Variants in CHD7 observed in about 807,000 individuals in gnomAD.
CHD7 encodes ATP-dependent chromatin remodeler CHD7.
A neutral mutation model predicts 307.3 loss-of-function variants in CHD7; 24 were observed. The observed-to-expected ratio is 0.08, with a 90% confidence interval of 0.06 to 0.11. The LOEUF (loss-of-function observed/expected upper bound fraction) is 0.11. Ranked by LOEUF, CHD7 falls within the 10% of genes least tolerant of loss-of-function variation. CHD7 has a pLI of 1.00. For synonymous variants in CHD7, 1,363 were observed against 1,349.9 expected, an observed-to-expected ratio of 1.01 and a Z score of -0.21; for missense variants, 3,106 against 3,727.1, an observed-to-expected ratio of 0.83 and a Z score of 4.34.
intron 3 of CHD7, among the ~76,000 whole-genome samples, chr8:60,793,686 T>G (rs994632598): frequency 6.6e-6 from 1 of 152,148 alleles, no homozygotes; most frequent in African/African-American, 2.4e-5. Flanking sequence ...TAAATAAAAT[T>G]TTTGAAGGTT....
At chr8:60,802,189 G>T (rs1188346667) in intron 6 of CHD7, among the ~76,000 whole-genome samples, 1 of 152,168 alleles carries the variant, frequency 6.6e-6, no homozygotes, top group African/African-American at 2.4e-5. Context: ...TCTGTCACTA[G>T]CCTGCTAGCT....
At chr8:60,808,388 A>G in intron 7 of CHD7, 116 bp downstream of exon 7, 1 of 695,882 alleles carries the variant, frequency 1.4e-6, no homozygotes, top group Non-Finnish European at 2.4e-6. Context: ...TTTAGTCATC[A>G]TGGCCTGGGA....
At chr8:60,815,233 G>A (rs1803672200) in intron 7 of CHD7, among the ~76,000 whole-genome samples, 3 of 152,076 alleles carry the variant, frequency 2.0e-5, no homozygotes, top group South Asian at 4.1e-4. Context: ...AATATCATAA[G>A]CATTTCCTAT....
At position 60,853,299 on chromosome 8, in the gene CHD7, G is replaced by C. The variant is rs370361926; in HGVS notation, c.6574G>C (p.Glu2192Gln). 1.2e-6 allele frequency: 2 copies of C among 1,606,816 alleles called. No homozygotes were observed. Among genetic ancestry groups the C allele is most frequent in the African/African-American group, 2.7e-5 (2 of 74,478 alleles). Residue 2192 changes from glutamate (E) to glutamine (Q), a missense_variant, in exon 31 of 38, where the codon GAG becomes CAG. By Grantham distance (29) the Glu-to-Gln change is conservative. Coordinates refer to ENST00000423902, the MANE Select transcript of CHD7 (RefSeq NM_017780.4). ...AAKEKCEGKE[E>Q]EEETDGSGKE... ...CAAGGAGAAATGTGAGGGCAAAGAAGAGGAAGAAGAAACCGATGGCAGCGG... is the reference window on the plus strand; with the variant it reads ...CAAGGAGAAATGTGAGGGCAAAGAACAGGAAGAAGAAACCGATGGCAGCGG...
At chr8:60,768,531 G>A (rs1055686582) in intron 2 of CHD7, among the ~76,000 whole-genome samples, 7 of 152,224 alleles carry the variant, frequency 4.6e-5, no homozygotes, top group African/African-American at 1.7e-4. Context: ...GGCCAGCACC[G>A]CTCAGACCCT....
At position 60,726,147 on chromosome 8, in the gene CHD7, C is replaced by T. The variant is rs139710537; in HGVS notation, c.-174-15112C>T. The stretch of plus-strand genomic sequence containing the variant: ...ATCATTTACATAACATATATGTATT[C>T]GATTTATTTATATAATTATGTTTTA... On this transcript the variant is annotated intron_variant, in intron 1 of 37. Coordinates refer to ENST00000423902, the MANE Select transcript of CHD7 (RefSeq NM_017780.4). Among the ~76,000 whole-genome samples, 498 of 152,184 alleles carry T rather than the reference C, an allele frequency of 3.3e-3. 5 individuals carry two copies. Among genetic ancestry groups the T allele is most frequent in the African/African-American group, 0.011 (450 of 41,516 alleles).
intron 1 of CHD7, among the ~76,000 whole-genome samples, chr8:60,681,846 C>T (rs1472205389): frequency 1.3e-5 from 2 of 151,976 alleles, no homozygotes; most frequent in African/African-American, 4.8e-5. Flanking sequence ...GAATTGTATC[C>T]TGGGTCTATG....
intron 5 of CHD7, among the ~76,000 whole-genome samples, chr8:60,801,249 TTGG>T (rs1365672369): frequency 1.3e-5 from 2 of 152,226 alleles, no homozygotes; most frequent in African/African-American, 4.8e-5. Context: ...TTATTTTGTC[TTGG>T]TGGCTAGAAT....
At chr8:60,731,931 G>A (rs1009306920) in intron 1 of CHD7, among the ~76,000 whole-genome samples, 2 of 152,242 alleles carry the variant, frequency 1.3e-5, no homozygotes, top group Non-Finnish European at 2.9e-5. Context: ...CGAAAGCCCT[G>A]GAGCTCCCTG....
In CHD7 at chr8:60,824,724, G is replaced by A. The variant is rs998102109; in HGVS notation, c.3378+708G>A. On this transcript the variant is annotated intron_variant, in intron 13 of 37. Coordinates refer to ENST00000423902, the MANE Select transcript of CHD7 (RefSeq NM_017780.4). ...ATTACAGTGCCTCAGATTTGATCTG[G>A]AGTTTTACACCACACTTATCCCATA... The A allele has an allele frequency of 3.3e-5, 5 of 152,134 alleles. No homozygotes were observed. The South Asian group carries it at 8.3e-4, about 25-fold the overall frequency. The allele number at this position is 152,134 out of a possible 1,614,324, so 9.4% of individuals were successfully genotyped here.
chr8:60,766,967 C>G (rs866707479), intron 2 of CHD7, among the ~76,000 whole-genome samples: 1 of 152,124 alleles, frequency 6.6e-6, no homozygotes, highest in African/African-American at 2.4e-5. Flanking sequence ...GATCCAAACT[C>G]GGAGGCCTGG....
chr8:60,793,741 G>A (rs967217409), intron 3 of CHD7, among the ~76,000 whole-genome samples: 1 of 152,068 alleles, frequency 6.6e-6, no homozygotes, highest in African/African-American at 2.4e-5. Flanking sequence ...GGAATTTGAG[G>A]CTCCCTAGAA....
At chr8:60,794,726 G>T (rs894104901) in intron 3 of CHD7, among the ~76,000 whole-genome samples, 5 of 152,098 alleles carry the variant, frequency 3.3e-5, no homozygotes, top group African/African-American at 1.2e-4. Flanking sequence ...ATACTGGCAG[G>T]CATTTTGCAC....
At chr8:60,832,047 G>A (rs967724706) in intron 15 of CHD7, among the ~76,000 whole-genome samples, 1 of 151,836 alleles carries the variant, frequency 6.6e-6, no homozygotes, top group Non-Finnish European at 1.5e-5. Context: ...CTTGAGATAG[G>A]TTCTCACTCT....
chr8:60,758,882 C>A (rs1810024226), intron 2 of CHD7, among the ~76,000 whole-genome samples: 1 of 152,164 alleles, frequency 6.6e-6, no homozygotes, highest in Non-Finnish European at 1.5e-5. Context: ...ACTGTTTTGT[C>A]AAGGACATCT....
intron 1 of CHD7, among the ~76,000 whole-genome samples, chr8:60,695,854 C>G (rs937573159): frequency 6.6e-6 from 1 of 152,136 alleles, no homozygotes; most frequent in Non-Finnish European, 1.5e-5. Flanking sequence ...ATGGTGAGAC[C>G]TGCACACTCA....
chr8:60,853,575 G>A lies in CHD7; in HGVS notation c.6775+75G>A, dbSNP rs117896093. 9.4e-5 allele frequency: 110 copies of A among 1,166,328 alleles called. No homozygotes were observed. The East Asian group carries it at 2.1e-3, about 22-fold the overall frequency. 72.2% of individuals were successfully genotyped at this position (1,166,328 alleles called of 1,614,324 possible). On this transcript the variant is annotated intron_variant, in intron 31 of 37. Transcript: ENST00000423902. ...GAGATGCGTTGCTTTCTGGCAGCAC[G>A]GCACCTGCTCTTTTTCACGAGTACT...
intron 1 of CHD7, among the ~76,000 whole-genome samples, chr8:60,685,084 G>A (rs1805813925): frequency 6.6e-6 from 1 of 152,188 alleles, no homozygotes; most frequent in Non-Finnish European, 1.5e-5. Flanking sequence ...ATTCACAGAG[G>A]CAAGAATCAG....
chr8:60,865,128 C>A lies in CHD7; in HGVS notation c.8189C>A (p.Ala2730Glu), dbSNP rs779381935. The change falls in exon 38 of 38, where the codon GCG becomes GAG. Residue 2730 changes from alanine (A) to glutamate (E), a missense_variant. Ala to Glu is a moderately radical substitution (Grantham distance 107). This residue lies in a region of CHD7 where 351 missense variants were observed against 366.2 expected (regional missense o/e 0.96). Transcript: ENST00000423902. This position sits in a 1 kb window ranked among gnomAD's most constrained non-coding sequence, Gnocchi z 4.3. ...AAAAGTGAGATCGCCAGAGCAGCCG[C>A]GGCCGCCGCTGCTGTGGCCTCCACG... ...RPKSEIARAAAAAAAVASTSG... is the reference protein window; with the variant it reads ...RPKSEIARAAEAAAAVASTSG... 1 of 1,610,790 alleles carries A rather than the reference C, an allele frequency of 6.2e-7. No homozygotes were observed. The highest frequency in any genetic ancestry group is 1.3e-5 in the African/African-American group (1 of 75,006).
Sources: allele counts gnomAD v4.1 joint callset (sites outside exome capture counted in the v4.1 genomes callset), GRCh38; gene constraint gnomAD v4.1.1; regional missense constraint gnomAD v4.1.1; non-coding constraint Gnocchi (gnomAD v3.1); transcripts MANE v1.5; gene names NCBI Gene and HGNC (gene_info 2026-07-23, HGNC 2026-07-21).